Variants in TMEM132D observed in about 807,000 individuals in gnomAD.
The protein encoded by TMEM132D is transmembrane protein 132D, also known as mature OL transmembrane protein.
TMEM132D carries 21 observed loss-of-function variants against 62.3 expected under a neutral mutation model. The ratio of observed to expected loss-of-function variants is 0.34; its 90% CI spans 0.24 to 0.49. The LOEUF is 0.49. TMEM132D is among the 20% of genes least tolerant of loss of function. The pLI, the probability that TMEM132D is intolerant of heterozygous loss-of-function variation, is 0.99. For missense variants in TMEM132D, 1,346 were observed against 1,402.8 expected (o/e 0.96, Z 0.65); for synonymous variants, 621 against 575.6 (o/e 1.08, Z -1.13).
chr12:129,328,493 A>G (rs1468211802), intron 4 of TMEM132D, among the ~76,000 whole-genome samples: 3 of 152,194 alleles, frequency 2.0e-5, no homozygotes, highest in African/African-American at 4.8e-5. Context: ...GTTTTGTACT[A>G]TGGGCCTTTA....
intron 2 of TMEM132D, among the ~76,000 whole-genome samples, chr12:129,592,387 T>C (rs949391514): frequency 2.0e-5 from 3 of 152,218 alleles, no homozygotes; most frequent in African/African-American, 7.2e-5. Context: ...CTAAGTACTA[T>C]GTCATTATTT....
At position 129,073,862 on chromosome 12, in the gene TMEM132D, G is replaced by T. The variant is rs773957559; in HGVS notation, c.*13C>A. On this transcript the variant is annotated 3_prime_UTR_variant, in exon 9 of 9. Coordinates refer to ENST00000422113, the MANE Select transcript of TMEM132D (RefSeq NM_133448.3). ...GAAAGGTGAGTGAGAACCAATGTCT[G>T]TGTGTGTCTGGCTTACACATTTTCA... is the stretch of plus-strand genomic sequence containing the variant. The T allele has an allele frequency of 2.0e-6, 3 of 1,519,140 alleles. No individual in the cohort carries two copies. Among genetic ancestry groups the T allele is most frequent in the Non-Finnish European group, 2.6e-6 (3 of 1,133,566 alleles). The allele number at this position is 1,519,140 out of a possible 1,614,324, so 94.1% of individuals were successfully genotyped here. A position where few individuals can be genotyped will look rare whatever the true frequency, so the allele number is the denominator to read the frequency against.
At chr12:129,077,903 TACACAACACATAGAC>T (rs1292789172) in intron 8 of TMEM132D, among the ~76,000 whole-genome samples, 2 of 152,072 alleles carry the variant, frequency 1.3e-5, no homozygotes, top group South Asian at 2.1e-4. Flanking sequence ...AACATATATG[TACACAACACATAGAC>T]ACACAACACA....
chr12:129,461,560 TG>T (rs1873672374), intron 3 of TMEM132D, among the ~76,000 whole-genome samples: 1 of 152,140 alleles, frequency 6.6e-6, no homozygotes, highest in African/African-American at 2.4e-5. Flanking sequence ...ATCTCATCAT[TG>T]TTTTGACTTA....
At chr12:129,893,955 G>A (rs894258155) in intron 1 of TMEM132D, among the ~76,000 whole-genome samples, 5 of 152,274 alleles carry the variant, frequency 3.3e-5, no homozygotes, top group East Asian at 1.9e-4. Flanking sequence ...AGCTTATCCC[G>A]AGGCTTGTCC....
intron 1 of TMEM132D, among the ~76,000 whole-genome samples, chr12:129,882,415 C>T (rs1027429637): frequency 1.1e-4 from 17 of 152,086 alleles, no homozygotes; most frequent in Non-Finnish European, 2.2e-4. Flanking sequence ...TAATTATATG[C>T]CATCACTAAA....
At chr12:129,566,289 G>T (rs529588796) in intron 2 of TMEM132D, among the ~76,000 whole-genome samples, 1 of 152,116 alleles carries the variant, frequency 6.6e-6, no homozygotes, top group African/African-American at 2.4e-5. Context: ...TGGAAAACTG[G>T]TATCTGCTAC....
chr12:129,306,078 C>A (rs1047337745), intron 4 of TMEM132D, among the ~76,000 whole-genome samples: 1 of 152,092 alleles, frequency 6.6e-6, no homozygotes, highest in Non-Finnish European at 1.5e-5. Flanking sequence ...TCTGTTGAGC[C>A]ACTTCTTTTT....
chr12:129,644,594 T>C (rs1879722739), intron 2 of TMEM132D, among the ~76,000 whole-genome samples: 1 of 152,104 alleles, frequency 6.6e-6, no homozygotes, highest in Non-Finnish European at 1.5e-5. Context: ...ACAGTGCCGT[T>C]ACAACAATAA....
At chr12:129,079,279 CTT>C (rs1874378289) in intron 7 of TMEM132D, among the ~76,000 whole-genome samples, 1 of 152,156 alleles carries the variant, frequency 6.6e-6, no homozygotes, top group Non-Finnish European at 1.5e-5. Flanking sequence ...ACACTGTACA[CTT>C]TGGGAAACGC....
chr12:129,295,707 A>T (rs1881558095), intron 4 of TMEM132D, among the ~76,000 whole-genome samples: 1 of 152,124 alleles, frequency 6.6e-6, no homozygotes, highest in African/African-American at 2.4e-5. Context: ...GGACACCATG[A>T]ATAGCAAAGT....
chr12:129,847,740 C>G (rs567603147), intron 1 of TMEM132D, among the ~76,000 whole-genome samples: 180 of 152,202 alleles, frequency 1.2e-3, no homozygotes, highest in African/African-American at 4.2e-3. Flanking sequence ...CTGGCTCAAG[C>G]CTTAGAGACT....
intron 4 of TMEM132D, among the ~76,000 whole-genome samples, chr12:129,294,358 C>T (rs1313836660): frequency 6.6e-6 from 1 of 152,116 alleles, no homozygotes; most frequent in Non-Finnish European, 1.5e-5. Flanking sequence ...TCATCAATTG[C>T]CTTCCCTATC....
At chr12:129,526,002 A>G (rs1419486350) in intron 3 of TMEM132D, among the ~76,000 whole-genome samples, 2 of 152,200 alleles carry the variant, frequency 1.3e-5, no homozygotes, top group Non-Finnish European at 2.9e-5. Context: ...GTCTCAGAAG[A>G]GCTGATTGTT....
intron 3 of TMEM132D, among the ~76,000 whole-genome samples, chr12:129,380,067 A>G (rs1870894102): frequency 1.3e-5 from 2 of 152,346 alleles, no homozygotes; most frequent in Admixed American, 1.3e-4. Flanking sequence ...ACATGGTGTC[A>G]TAGTTGAAAT....
chr12:129,638,155 C>T (rs1463433924), intron 2 of TMEM132D, among the ~76,000 whole-genome samples: 1 of 152,138 alleles, frequency 6.6e-6, no homozygotes, highest in Non-Finnish European at 1.5e-5. Context: ...CAAAGTGATA[C>T]AGTACAGCAG....
At chr12:129,726,858 A>C (rs944142102) in intron 1 of TMEM132D, among the ~76,000 whole-genome samples, 3 of 152,166 alleles carry the variant, frequency 2.0e-5, no homozygotes, top group East Asian at 1.9e-4. Flanking sequence ...TCTGTTCCCA[A>C]CTCTGGCCCT....
chr12:129,266,794 T>C (rs1291906350), intron 4 of TMEM132D, among the ~76,000 whole-genome samples: 1 of 152,084 alleles, frequency 6.6e-6, no homozygotes. Flanking sequence ...ACCTCCTAAA[T>C]GCACCACAGA....
At chr12:129,581,576 C>G (rs1005299109) in intron 2 of TMEM132D, among the ~76,000 whole-genome samples, 1 of 152,132 alleles carries the variant, frequency 6.6e-6, no homozygotes, top group East Asian at 1.9e-4. Flanking sequence ...GAACATGCAG[C>G]CTGATGTTTA....
Sources: allele counts gnomAD v4.1 joint callset (sites outside exome capture counted in the v4.1 genomes callset), GRCh38; gene constraint gnomAD v4.1.1; transcripts MANE v1.5; gene names NCBI Gene and HGNC (gene_info 2026-07-23, HGNC 2026-07-21).